Variants in IL2RA observed in about 807,000 individuals in gnomAD.
IL2RA encodes interleukin-2 receptor subunit alpha.
IL2RA carries 24 observed loss-of-function variants against 37.8 expected under a neutral mutation model. The observed-to-expected ratio is 0.63, with a 90% confidence interval of 0.46 to 0.89. The LOEUF (loss-of-function observed/expected upper bound fraction) is 0.89, where lower values mean the gene tolerates loss of function less well. IL2RA is among the 40% of genes least tolerant of loss of function. The pLI is 0.00. For missense variants in IL2RA, 319 were observed against 348.6 expected (o/e 0.92, Z 0.68); for synonymous variants, 125 against 114.6 (o/e 1.09, Z -0.58).
Position 6,036,499 on chromosome 10 carries a change from G to GAAAAC in IL2RA, c.65-10479_65-10475dup, listed in dbSNP as rs1839684952. On this transcript the variant is annotated intron_variant, in intron 1 of 7. Coordinates refer to ENST00000379959, the MANE Select transcript of IL2RA (RefSeq NM_000417.3). This position sits in a 1 kb window ranked among gnomAD's most constrained non-coding sequence, Gnocchi z 6.1. ...ATTTTTCTTGCCACTGAGGTTAAGT[G>GAAAAC]AAAACAAAACAAAACAAACAAACAA... 3 of 151,716 alleles carry GAAAAC rather than the reference G, an allele frequency of 2.0e-5. No homozygotes were observed. Among genetic ancestry groups the GAAAAC allele is most frequent in the Admixed American group, 6.6e-5 (1 of 15,238 alleles). 9.4% of individuals were successfully genotyped at this position (151,716 alleles called of 1,614,324 possible).
chr10:6,051,857 A>G (rs1462653742), intron 1 of IL2RA, among the ~76,000 whole-genome samples: 1 of 135,024 alleles, frequency 7.4e-6, no homozygotes, highest in Non-Finnish European at 1.6e-5. Context: ...TTTTTTAAGG[A>G]AACATTGCTG....
Position 6,062,161 on chromosome 10 carries a change from C to A in IL2RA, c.-10G>T. On this transcript the variant is annotated 5_prime_UTR_variant, in exon 1 of 8. Transcript: ENST00000379959. The stretch of plus-strand genomic sequence containing the variant: ...GCAGGTATGAATCCATCTTCCTGAC[C>A]CTTGGGACCAGCCGGGGCAGTGAAG... The A allele has an allele frequency of 6.2e-7, 1 of 1,613,150 alleles. No individual in the cohort carries two copies. The highest frequency in any genetic ancestry group is 8.5e-7 in the Non-Finnish European group (1 of 1,179,158).
Position 6,031,443 on chromosome 10 carries a change from TATATATATATAC to T in IL2RA, c.65-5430_65-5419del, listed in dbSNP as rs1175486267. 7.5e-4 allele frequency among the ~76,000 whole-genome samples: 30 copies of T among 39,774 alleles called. 1 individual carries two copies. The East Asian group carries it at 0.015, about 20-fold the overall frequency. The allele number at this position is 39,774 out of a possible 152,430, so 26.1% of individuals were successfully genotyped here. On this transcript the variant is annotated intron_variant, in intron 1 of 7. Transcript: ENST00000379959. The stretch of plus-strand genomic sequence containing the variant: ...GAATTTAGCAAGTTAGCAATTTCAG[TATATATATATAC>T]ATATATATATATATATATATATATA...
chr10:6,029,834 A>G lies in IL2RA; in HGVS notation c.65-3809T>C, dbSNP rs1839548765. Among the ~76,000 whole-genome samples the G allele has an allele frequency of 1.3e-5, 2 of 152,018 alleles. No individual in the cohort carries two copies. Among genetic ancestry groups the G allele is most frequent in the African/African-American group, 4.8e-5 (2 of 41,374 alleles). On this transcript the variant is annotated intron_variant, in intron 1 of 7. Coordinates refer to ENST00000379959, the MANE Select transcript of IL2RA (RefSeq NM_000417.3). This position sits in a 1 kb window ranked among gnomAD's most constrained non-coding sequence, Gnocchi z 4.6. ...ATTCTTCTGCCTCAGCCTCCCAAAT[A>G]GCTTGGATTACGGGCACATGCCATC...
Position 6,062,215 on chromosome 10 carries a change from T to G in IL2RA, c.-64A>C. The G allele has an allele frequency of 7.1e-7, 1 of 1,407,664 alleles. No individual in the cohort carries two copies. The highest frequency in any genetic ancestry group is 1.2e-5 in the South Asian group (1 of 86,808). The allele number at this position is 1,407,664 out of a possible 1,614,324, so 87.2% of individuals were successfully genotyped here. ...AGGTCTTTCTCTGCAGAAGGCCCAGTTGCCGTCAGCCTCTTTTTGGCATCG... is the reference window on the plus strand; with the variant it reads ...AGGTCTTTCTCTGCAGAAGGCCCAGGTGCCGTCAGCCTCTTTTTGGCATCG... On this transcript the variant is annotated 5_prime_UTR_variant, in exon 1 of 8. Transcript: ENST00000379959.
rs892394250 is a variant in IL2RA at position 6,029,916 on chromosome 10, G to A, written c.65-3891C>T. ...GATGGGGTTTCACCATGTTGACCAG[G>A]CTGGTCTCGAATTCCTGACCTCAGA... On this transcript the variant is annotated intron_variant, in intron 1 of 7. Transcript: ENST00000379959. The surrounding 1 kb of genome is among the most constrained non-coding windows in gnomAD (Gnocchi z 4.6). 1.3e-5 allele frequency among the ~76,000 whole-genome samples: 2 copies of A among 152,100 alleles called. No individual in the cohort carries two copies. Among genetic ancestry groups the A allele is most frequent in the Non-Finnish European group, 2.9e-5 (2 of 68,012 alleles).
intron 1 of IL2RA, chr10:6,039,347 A>T (rs1393019722): frequency 6.6e-6 from 1 of 152,272 alleles, no homozygotes; most frequent in East Asian, 1.9e-4. Flanking sequence ...CAATAACATA[A>T]CTTCAAAATA....
rs1839371128 is a variant in IL2RA, at chr10:6,020,728, T to TG, written c.583+749_583+750insC. ...TTGTATTTTTAGTAGAGACGGGGTT[T>TG]CACCATGTTGGCCAGGCTGGTCTCG... On this transcript the variant is annotated intron_variant, in intron 4 of 7. Transcript: ENST00000379959. The surrounding 1 kb of genome is among the most constrained non-coding windows in gnomAD (Gnocchi z 5.6). Among the ~76,000 whole-genome samples the TG allele has an allele frequency of 6.6e-6, 1 of 152,154 alleles. No individual in the cohort carries two copies. Among genetic ancestry groups the TG allele is most frequent in the Admixed American group, 6.5e-5 (1 of 15,278 alleles).
chr10:6,032,878 G>A (rs536740694), intron 1 of IL2RA, among the ~76,000 whole-genome samples: 95 of 152,098 alleles, frequency 6.2e-4, no homozygotes, highest in African/African-American at 2.1e-3. Flanking sequence ...GAAGATACAC[G>A]ACTATCAATA....
rs190516268 is a variant in IL2RA, at chr10:6,057,787, C to A, written c.64+4301G>T. Among the ~76,000 whole-genome samples the A allele has an allele frequency of 5.3e-4, 81 of 152,298 alleles. No individual in the cohort carries two copies. Among genetic ancestry groups the A allele is most frequent in the African/African-American group, 1.9e-3 (79 of 41,548 alleles). ...AGCTGCCACGTTGAGGGACTGCCTG[C>A]CTTGATGATATCCATAGCTCGCAGA... On this transcript the variant is annotated intron_variant, in intron 1 of 7. Transcript: ENST00000379959. The surrounding 1 kb of genome is among the most constrained non-coding windows in gnomAD (Gnocchi z 4.8).
At chr10:6,027,548 C>T (rs1282756741) in intron 1 of IL2RA, among the ~76,000 whole-genome samples, 1 of 152,216 alleles carries the variant, frequency 6.6e-6, no homozygotes, top group Admixed American at 6.5e-5. Flanking sequence ...CAGCAGCTTA[C>T]AAGCTACATA....
Position 6,041,391 on chromosome 10 carries a change from A to AG in IL2RA, c.65-15367dup, listed in dbSNP as rs576558181. Among the ~76,000 whole-genome samples, 14 of 152,248 alleles carry AG rather than the reference A, an allele frequency of 9.2e-5. No individual in the cohort carries two copies. In the South Asian group the frequency reaches 2.5e-3, roughly 27 times the overall value. ...CGGCCTCCCAAAATGCTGGGATTAC[A>AG]GGGGGGAGCCACTGCGCCCGGCCAA... On this transcript the variant is annotated intron_variant, in intron 1 of 7. Coordinates refer to ENST00000379959, the MANE Select transcript of IL2RA (RefSeq NM_000417.3).
chr10:6,031,593 A>C (rs987917858), intron 1 of IL2RA, among the ~76,000 whole-genome samples: 7 of 149,068 alleles, frequency 4.7e-5, no homozygotes, highest in African/African-American at 1.7e-4. Flanking sequence ...ATTTAAAAAC[A>C]ATTGTATTTA....
At chr10:6,031,500 A>G (rs1265043567) in intron 1 of IL2RA, among the ~76,000 whole-genome samples, 2 of 71,520 alleles carry the variant, frequency 2.8e-5, no homozygotes, top group Non-Finnish European at 2.8e-5. Context: ...ATATGTATAT[A>G]TATATATATA....
chr10:6,052,540 T>C (rs1588323228), intron 1 of IL2RA, among the ~76,000 whole-genome samples: 1 of 152,122 alleles, frequency 6.6e-6, no homozygotes, highest in Non-Finnish European at 1.5e-5. Context: ...GTCTCCAATC[T>C]CCCTGACTTT....
At position 6,051,426 on chromosome 10, in the gene IL2RA, G is replaced by C. The variant is rs183038550; in HGVS notation, c.64+10662C>G. Among the ~76,000 whole-genome samples the C allele has an allele frequency of 1.7e-3, 263 of 151,362 alleles. 2 individuals are homozygous for C. Among genetic ancestry groups the C allele is most frequent in the Middle Eastern group, 0.017 (5 of 292 alleles). On this transcript the variant is annotated intron_variant, in intron 1 of 7. Coordinates refer to ENST00000379959, the MANE Select transcript of IL2RA (RefSeq NM_000417.3). Reference sequence around the variant, plus strand: ...CCTTTACTTGGTGACGTAATAAACTGATCTTTCTCTGAAAAGATGGGCCGA... The same window carrying C: ...CCTTTACTTGGTGACGTAATAAACTCATCTTTCTCTGAAAAGATGGGCCGA...
In IL2RA at chr10:6,025,692, T is replaced by C; in HGVS notation, c.256+142A>G. Reference sequence around the variant, plus strand: ...AAAAAATTGTGTTTAGTGAATGACTTTTCAGGAACCACTAAAATTAGTTAT... The same window carrying C: ...AAAAAATTGTGTTTAGTGAATGACTCTTCAGGAACCACTAAAATTAGTTAT... On this transcript the variant is annotated intron_variant, in intron 2 of 7. Transcript: ENST00000379959. The surrounding 1 kb of genome is among the most constrained non-coding windows in gnomAD (Gnocchi z 4.4). 1.2e-6 allele frequency: 1 copy of C among 827,326 alleles called. No homozygotes were observed. Among genetic ancestry groups the C allele is most frequent in the Non-Finnish European group, 2.0e-6 (1 of 502,084 alleles). 51.2% of individuals were successfully genotyped at this position (827,326 alleles called of 1,614,324 possible). A position where few individuals can be genotyped will look rare whatever the true frequency, so the allele number is the denominator to read the frequency against.
chr10:6,027,573 C>T (rs1005673003), intron 1 of IL2RA, among the ~76,000 whole-genome samples: 20 of 152,174 alleles, frequency 1.3e-4, no homozygotes, highest in African/African-American at 4.8e-4. Context: ...TATTATTTTA[C>T]TTCTCTAAGG....
chr10:6,051,301 A>G (rs897817118), intron 1 of IL2RA, among the ~76,000 whole-genome samples: 7 of 151,846 alleles, frequency 4.6e-5, no homozygotes, highest in African/African-American at 1.5e-4. Flanking sequence ...GTCATCCCCA[A>G]AACTCCCGGG....
Sources: allele counts gnomAD v4.1 joint callset (sites outside exome capture counted in the v4.1 genomes callset), GRCh38; gene constraint gnomAD v4.1.1; non-coding constraint Gnocchi (gnomAD v3.1); transcripts MANE v1.5; gene names NCBI Gene and HGNC (gene_info 2026-07-23, HGNC 2026-07-21).